CDK17: variants seen among roughly 807,000 people sequenced by gnomAD.
CDK17 encodes cyclin dependent kinase 17.
Under a neutral mutation model 77.6 loss-of-function variants are expected in CDK17, and 24 were observed. That is an observed-to-expected ratio of 0.31 (90% CI 0.22 to 0.44). The LOEUF is 0.44. CDK17 is among the 20% of genes least tolerant of loss of function. The pLI is 1.00. For missense variants in CDK17, 429 were observed against 622.5 expected (o/e 0.69, Z 3.31); for synonymous variants, 203 against 210.4 (o/e 0.96, Z 0.30).
Position 96,396,432 on chromosome 12 carries a change from A to G in CDK17, c.-30+3554T>C, listed in dbSNP as rs577800778. Reference sequence around the variant, plus strand: ...TTGCCAACATTGTAGATTGAATGCTAGTGAACTACACTAGGTTCGCTATTA... The same window carrying G: ...TTGCCAACATTGTAGATTGAATGCTGGTGAACTACACTAGGTTCGCTATTA... On this transcript the variant is annotated intron_variant, in intron 1 of 16. Transcript: ENST00000261211. Among the ~76,000 whole-genome samples, 4 of 152,350 alleles carry G rather than the reference A, an allele frequency of 2.6e-5. No homozygotes were observed. The South Asian group carries it at 8.3e-4, about 32-fold the overall frequency.
intron 1 of CDK17, among the ~76,000 whole-genome samples, chr12:96,371,089 A>G (rs1244273841): frequency 6.6e-6 from 1 of 152,154 alleles, no homozygotes; most frequent in African/African-American, 2.4e-5. Flanking sequence ...AAAGAAACAT[A>G]TTTTTAAAAT....
chr12:96,345,260 G>A (rs1334952174), intron 1 of CDK17, among the ~76,000 whole-genome samples: 2 of 152,146 alleles, frequency 1.3e-5, no homozygotes, highest in Non-Finnish European at 2.9e-5. Context: ...CCATGTCTTT[G>A]CTGTTGTGAA....
chr12:96,297,832 C>T (rs903655141), intron 7 of CDK17, 111 bp from the exon 8 acceptor site: 22 of 590,526 alleles, frequency 3.7e-5, no homozygotes, highest in East Asian at 1.2e-4. Flanking sequence ...AGGTCTTGGG[C>T]GGTGGCTCAC....
At chr12:96,367,881 G>T (rs145015523) in intron 1 of CDK17, among the ~76,000 whole-genome samples, 1,601 of 150,082 alleles carry the variant, frequency 0.011, 49 homozygotes, top group Admixed American at 0.065. Flanking sequence ...ATCCCTTATA[G>T]TGACTGGTAG....
rs147608181 is a variant in CDK17 at position 96,336,266 on chromosome 12, A to T, written c.-29-1401T>A. Among the ~76,000 whole-genome samples the T allele has an allele frequency of 2.0e-3, 308 of 152,284 alleles. 2 individuals carry two copies. Among genetic ancestry groups the T allele is most frequent in the Non-Finnish European group, 2.2e-3 (151 of 68,020 alleles). Reference sequence around the variant, plus strand: ...CTCTTGGGGTCAGGAGGTTAAGACCAGCCTGGAAAACAGCGAGAATTTGTC... The same window carrying T: ...CTCTTGGGGTCAGGAGGTTAAGACCTGCCTGGAAAACAGCGAGAATTTGTC... On this transcript the variant is annotated intron_variant, in intron 1 of 16. Coordinates refer to ENST00000261211, the MANE Select transcript of CDK17 (RefSeq NM_002595.5).
At chr12:96,323,295 C>CA (rs1226394710) in intron 3 of CDK17, among the ~76,000 whole-genome samples, 1 of 130,742 alleles carries the variant, frequency 7.6e-6, no homozygotes, top group African/African-American at 2.9e-5. Context: ...CAAAAACAAA[C>CA]AAACAAACAA....
intron 5 of CDK17, among the ~76,000 whole-genome samples, chr12:96,300,619 A>T (rs1460929720): frequency 1.3e-5 from 2 of 151,774 alleles, no homozygotes; most frequent in African/African-American, 2.4e-5. Context: ...CTGTTCTCGA[A>T]CTCCTGACCT....
chr12:96,305,192 A>G (rs1952561970), intron 5 of CDK17, among the ~76,000 whole-genome samples: 1 of 152,228 alleles, frequency 6.6e-6, no homozygotes, highest in African/African-American at 2.4e-5. Flanking sequence ...TCAATCATAA[A>G]GGACTACTAA....
intron 1 of CDK17, among the ~76,000 whole-genome samples, chr12:96,336,463 TTAAA>T (rs1159868326): frequency 2.0e-5 from 3 of 152,188 alleles, no homozygotes; most frequent in Non-Finnish European, 2.9e-5. Context: ...AGATGCTCTC[TTAAA>T]TAATGTTTTT....
chr12:96,337,708 A>C (rs1362928529), intron 1 of CDK17, among the ~76,000 whole-genome samples: 1 of 152,134 alleles, frequency 6.6e-6, no homozygotes, highest in Non-Finnish European at 1.5e-5. Flanking sequence ...ATTTGTTTAA[A>C]CACACTAGAT....
intron 3 of CDK17, among the ~76,000 whole-genome samples, chr12:96,323,352 A>G (rs1254652460): frequency 6.6e-6 from 1 of 151,904 alleles, no homozygotes; most frequent in Non-Finnish European, 1.5e-5. Flanking sequence ...GCTACTCAGG[A>G]GGCTGAGGTG....
At chr12:96,381,672 T>TA (rs1953885068) in intron 1 of CDK17, among the ~76,000 whole-genome samples, 2 of 151,822 alleles carry the variant, frequency 1.3e-5, no homozygotes, top group African/African-American at 2.4e-5. Context: ...AAAAATTAAG[T>TA]GTTTTGCCAC....
rs368763353 is a variant in CDK17, at chr12:96,302,258, T to C, written c.544-1898A>G. 1.1e-3 allele frequency among the ~76,000 whole-genome samples: 173 copies of C among 152,248 alleles called. 3 individuals are homozygous for C. The highest frequency in any genetic ancestry group is 4.1e-3 in the African/African-American group (169 of 41,580). On this transcript the variant is annotated intron_variant, in intron 5 of 16. Transcript: ENST00000261211. ...GTTTTTAAAATCAGTATGAAAAACATGGCAAATAGCCCACTATCTGGTACA... is the reference window on the plus strand; with the variant it reads ...GTTTTTAAAATCAGTATGAAAAACACGGCAAATAGCCCACTATCTGGTACA...
At chr12:96,345,969 C>T (rs1265627399) in intron 1 of CDK17, among the ~76,000 whole-genome samples, 3 of 152,196 alleles carry the variant, frequency 2.0e-5, no homozygotes, top group Non-Finnish European at 4.4e-5. Flanking sequence ...GAATTAAACT[C>T]TTCAATTAAA....
intron 3 of CDK17, among the ~76,000 whole-genome samples, chr12:96,315,654 A>G (rs1286747673): frequency 2.0e-5 from 3 of 152,188 alleles, no homozygotes; most frequent in Non-Finnish European, 2.9e-5. Flanking sequence ...CTAAAATACA[A>G]TATTTTAAAA....
chr12:96,326,748 T>G (rs750827955), intron 2 of CDK17, among the ~76,000 whole-genome samples: 2 of 152,172 alleles, frequency 1.3e-5, no homozygotes, highest in Non-Finnish European at 2.9e-5. Flanking sequence ...GATCACACTT[T>G]GAGAACCACT....
chr12:96,354,138 T>C (rs1953359824), intron 1 of CDK17, among the ~76,000 whole-genome samples: 3 of 152,144 alleles, frequency 2.0e-5, no homozygotes, highest in African/African-American at 7.2e-5. Flanking sequence ...GCCAAGCAAT[T>C]TATTTTATGA....
chr12:96,280,457 C>T (rs1799093904), intron 16 of CDK17, 178 bp from the exon 17 acceptor site: 2 of 1,421,050 alleles, frequency 1.4e-6, no homozygotes, highest in Non-Finnish European at 1.8e-6. Context: ...AGCTTCTATG[C>T]TTCGAAGTGA....
At chr12:96,300,985 T>C (rs1284610755) in intron 5 of CDK17, among the ~76,000 whole-genome samples, 1 of 152,192 alleles carries the variant, frequency 6.6e-6, no homozygotes, top group Admixed American at 6.5e-5. Context: ...AAGAATCTTA[T>C]CAAGGATAAC....
Sources: allele counts gnomAD v4.1 joint callset (sites outside exome capture counted in the v4.1 genomes callset), GRCh38; gene constraint gnomAD v4.1.1; transcripts MANE v1.5; gene names NCBI Gene and HGNC (gene_info 2026-07-23, HGNC 2026-07-21).